The following EEPD1 variants were observed in gnomAD, a reference collection of about 807,000 sequenced individuals.
EEPD1 encodes the protein endonuclease/exonuclease/phosphatase family domain containing 1.
In EEPD1, 17 loss-of-function variants were observed where a neutral mutation model predicts 46.3. The ratio of observed to expected loss-of-function variants is 0.37; its 90% CI spans 0.25 to 0.55. The LOEUF is 0.55. Among genes scored for constraint, EEPD1 ranks in the 20% least tolerant of loss-of-function variants. The probability of loss-of-function intolerance (pLI) is 0.83; values close to 1 mark genes in which losing one functional copy is unlikely to be tolerated. For synonymous variants in EEPD1, 313 were observed against 315.6 expected, an observed-to-expected ratio of 0.99 and a Z score of 0.09; for missense variants, 673 against 745.6, an observed-to-expected ratio of 0.90 and a Z score of 1.13.
At chr7:36,182,164 A>C (rs1323413664) in intron 2 of EEPD1, among the ~76,000 whole-genome samples, 1 of 152,218 alleles carries the variant, frequency 6.6e-6, no homozygotes, top group Non-Finnish European at 1.5e-5. Flanking sequence ...CCAGCCACAA[A>C]GGGGGACATT....
intron 6 of EEPD1, among the ~76,000 whole-genome samples, chr7:36,289,012 C>T (rs1328668525): frequency 4.6e-5 from 7 of 152,136 alleles, no homozygotes; most frequent in African/African-American, 9.7e-5. Context: ...AAGACTTCCT[C>T]GTTAAACTGG....
At chr7:36,236,278 A>G (rs910781382) in intron 2 of EEPD1, among the ~76,000 whole-genome samples, 10 of 152,166 alleles carry the variant, frequency 6.6e-5, no homozygotes, top group African/African-American at 2.2e-4. Context: ...CTCTGCTCGC[A>G]GGGAAGTGTG....
At chr7:36,241,669 C>T (rs1786555735) in intron 3 of EEPD1, among the ~76,000 whole-genome samples, 1 of 151,906 alleles carries the variant, frequency 6.6e-6, no homozygotes, top group East Asian at 1.9e-4. Flanking sequence ...GAGTTCAAGA[C>T]CAGCCTGGCC....
intron 3 of EEPD1, among the ~76,000 whole-genome samples, chr7:36,256,989 T>A (rs1487413233): frequency 6.6e-6 from 1 of 152,246 alleles, no homozygotes; most frequent in Non-Finnish European, 1.5e-5. Context: ...AGTGCTTTTT[T>A]CATGTGCTCT....
chr7:36,164,835 A>G (rs1355552681), intron 2 of EEPD1, among the ~76,000 whole-genome samples: 1 of 152,226 alleles, frequency 6.6e-6, no homozygotes, highest in Non-Finnish European at 1.5e-5. Context: ...TGTGTGTCTT[A>G]GTTTTTAACA....
chr7:36,281,046 C>A, intron 3 of EEPD1, 69 bp from the exon 4 acceptor site: 1 of 1,378,954 alleles, frequency 7.3e-7, no homozygotes, highest in Non-Finnish European at 1.0e-6. Context: ...CCTGGCTTCT[C>A]AGGCCGCCGC....
At chr7:36,259,774 C>T (rs1031004488) in intron 3 of EEPD1, among the ~76,000 whole-genome samples, 4 of 152,154 alleles carry the variant, frequency 2.6e-5, no homozygotes, top group Admixed American at 6.5e-5. Flanking sequence ...CCTTAGCCTC[C>T]AAGAGTGCTG....
In EEPD1 at chr7:36,297,077, A is replaced by T. The variant is rs1230779404; in HGVS notation, c.1400A>T (p.His467Leu). ...DYDILRKEKF[H>L]HLIPAHTFTN... ...GATATCCTGAGGAAAGAAAAGTTCC[A>T]CCACCTGATCCCCGCGCACACCTTC... is the stretch of plus-strand genomic sequence containing the variant. Residue 467 changes from histidine to leucine, a missense_variant, in exon 7 of 8, where the codon CAC becomes CTC. Coordinates refer to ENST00000242108, the MANE Select transcript of EEPD1 (RefSeq NM_030636.3). 6.2e-7 allele frequency: 1 copy of T among 1,614,214 alleles called. No individual in the cohort carries two copies. The highest frequency in any genetic ancestry group is 2.2e-5 in the East Asian group (1 of 44,886).
At chr7:36,190,482 C>A (rs952994899) in intron 2 of EEPD1, among the ~76,000 whole-genome samples, 2 of 152,200 alleles carry the variant, frequency 1.3e-5, no homozygotes, top group African/African-American at 4.8e-5. Flanking sequence ...GTGACATAAT[C>A]AGACAAAAAT....
chr7:36,163,386 A>C (rs765694785), intron 2 of EEPD1, among the ~76,000 whole-genome samples: 15 of 151,948 alleles, frequency 9.9e-5, no homozygotes, highest in Non-Finnish European at 1.8e-4. Flanking sequence ...TTTAGTGTCC[A>C]CTTGGTGGTA....
chr7:36,155,492 A>T (rs1355661450), intron 2 of EEPD1, among the ~76,000 whole-genome samples: 1 of 152,054 alleles, frequency 6.6e-6, no homozygotes, highest in African/African-American at 2.4e-5. Context: ...GCTTTGGAGG[A>T]TGCTGGGTCT....
chr7:36,273,429 AC>A (rs1787141048), intron 3 of EEPD1, among the ~76,000 whole-genome samples: 1 of 151,974 alleles, frequency 6.6e-6, no homozygotes, highest in South Asian at 2.1e-4. Flanking sequence ...CTTCTTGGCC[AC>A]CTGTGTCTTC....
chr7:36,286,531 G>T (rs886165516), intron 5 of EEPD1, among the ~76,000 whole-genome samples: 1 of 152,250 alleles, frequency 6.6e-6, no homozygotes, highest in African/African-American at 2.4e-5. Context: ...GAGCAGTGCT[G>T]TGATGCCCAG....
chr7:36,292,322 CG>C (rs1488292000), intron 6 of EEPD1, among the ~76,000 whole-genome samples: 1 of 152,138 alleles, frequency 6.6e-6, no homozygotes, highest in Non-Finnish European at 1.5e-5. Flanking sequence ...CTCTTAGAAC[CG>C]GGGCCGAGAA....
At chr7:36,210,040 AG>A (rs375417579) in intron 2 of EEPD1, among the ~76,000 whole-genome samples, 105 of 152,192 alleles carry the variant, frequency 6.9e-4, no homozygotes, top group African/African-American at 2.4e-3. Flanking sequence ...ACGTTGAGGC[AG>A]GTTTGGACTT....
intron 3 of EEPD1, among the ~76,000 whole-genome samples, chr7:36,241,473 AAAATAAAT>A (rs534305995): frequency 2.0e-4 from 31 of 151,976 alleles, no homozygotes; most frequent in African/African-American, 7.5e-4. Context: ...ACTCTGTCTC[AAAATAAAT>A]AAATAAATAA....
intron 2 of EEPD1, among the ~76,000 whole-genome samples, chr7:36,184,438 C>T (rs1032574761): frequency 6.6e-6 from 1 of 152,146 alleles, no homozygotes; most frequent in Non-Finnish European, 1.5e-5. Context: ...AGCCAGTGCT[C>T]AACCCAGCAT....
intron 2 of EEPD1, among the ~76,000 whole-genome samples, chr7:36,236,677 G>A (rs1177985842): frequency 6.6e-6 from 1 of 152,106 alleles, no homozygotes; most frequent in Admixed American, 6.5e-5. Flanking sequence ...ACCAATCAGC[G>A]CTCTGTGTCT....
At position 36,154,308 on chromosome 7, in the gene EEPD1, C is replaced by G; in HGVS notation, c.-17C>G. On this transcript the variant is annotated 5_prime_UTR_variant, in exon 2 of 8. Transcript: ENST00000242108. This position sits in a 1 kb window ranked among gnomAD's most constrained non-coding sequence, Gnocchi z 4.2. ...TGCAGTGGTGCGGCCTTCCCGGGAG[C>G]CTGATCCTGGCGGACCATGGGGAGC... 6.3e-7 allele frequency: 1 copy of G among 1,599,704 alleles called. No homozygotes were observed. The highest frequency in any genetic ancestry group is 8.5e-7 in the Non-Finnish European group (1 of 1,176,450).
Sources: gnomAD v4.1 joint callset for allele counts (sites outside exome capture counted in the v4.1 genomes callset) on GRCh38, gnomAD v4.1.1 for gene constraint, Gnocchi (gnomAD v3.1) non-coding constraint, MANE v1.5 for transcripts, NCBI Gene and HGNC (gene_info 2026-07-23, HGNC 2026-07-21) for gene names.